Variants in ADPRHL1 observed in about 807,000 individuals in gnomAD.
ADPRHL1 encodes the protein ADP-ribosylhydrolase like 1.
Under a neutral mutation model 44.1 loss-of-function variants are expected in ADPRHL1, and 43 were observed. That is an observed-to-expected ratio of 0.98 (90% CI 0.76 to 1.26). The LOEUF (loss-of-function observed/expected upper bound fraction) is 1.26. ADPRHL1 is among the 50% of genes most tolerant of loss of function. The probability of loss-of-function intolerance (pLI) is 0.00; values close to 1 mark genes in which losing one functional copy is unlikely to be tolerated. For synonymous variants in ADPRHL1, 878 were observed against 1,017.4 expected (o/e 0.86, Z 2.61); for missense variants, 2,022 against 2,496.9 (o/e 0.81, Z 4.05).
intron 7 of ADPRHL1, among the ~76,000 whole-genome samples, chr13:113,410,976 C>T (rs1277686472): frequency 6.6e-6 from 1 of 152,224 alleles, no homozygotes; most frequent in African/African-American, 2.4e-5. Context: ...ACGTTTTGTC[C>T]CCGCTCTGGG....
At chr13:113,430,607 T>C (rs2139629073) in intron 3 of ADPRHL1, among the ~76,000 whole-genome samples, 1 of 152,042 alleles carries the variant, frequency 6.6e-6, no homozygotes, top group East Asian at 1.9e-4. Flanking sequence ...CGGTATCATG[T>C]GGAGGAACTG....
rs947576453 is a variant in ADPRHL1, at chr13:113,407,955, G to C, written c.1327C>G (p.Arg443Gly). 1 of 1,231,852 alleles carries C rather than the reference G, an allele frequency of 8.1e-7. No homozygotes were observed. The highest frequency in any genetic ancestry group is 1.6e-5 in the African/African-American group (1 of 64,432). 76.3% of individuals were successfully genotyped at this position (1,231,852 alleles called of 1,614,324 possible). Residue 443 changes from arginine to glycine, a missense_variant, in exon 8 of 8, where the codon CGC (arginine) becomes GGC (glycine). Around this residue, in one of 8 missense-constraint regions of ADPRHL1, gnomAD observed 1,221 missense variants for 1,517.8 expected, o/e 0.80. Coordinates refer to ENST00000612156, the MANE Select transcript of ADPRHL1 (RefSeq NM_001394807.1). ...ACCTCCCTGGTCCTCTTGAGGTAGC[G>C]CTCCCGGCCAGTGCCCAGGAACTTG... Reference protein sequence around the residue: ...QAKFLGTGRERYLKRTREVGR... With the variant: ...QAKFLGTGREGYLKRTREVGR...
chr13:113,420,794 G>C (rs76382172), intron 7 of ADPRHL1, among the ~76,000 whole-genome samples: 11,493 of 151,784 alleles, frequency 0.076, 832 homozygotes, highest in African/African-American at 0.19. Flanking sequence ...CAAAACGAAC[G>C]GGGCATCTCT....
Position 113,405,895 on chromosome 13 carries a change from C to G in ADPRHL1, c.3387G>C (p.Ala1129=). The change falls in exon 8 of 8, where the codon GCG becomes GCC. Residue 1129 remains alanine (A), a synonymous_variant. Transcript: ENST00000612156. ...SVASRATPAP[A]PGSTQSPGDR... is the part of the protein sequence containing the mutation. Reference sequence around the variant, plus strand: ...CTCCAGGGCTCTGGGTGCTGCCTGGCGCTGGTGCAGGCGTGGCGCGGCTCG... The same window carrying G: ...CTCCAGGGCTCTGGGTGCTGCCTGGGGCTGGTGCAGGCGTGGCGCGGCTCG... 8.1e-7 allele frequency: 1 copy of G among 1,232,032 alleles called. No individual in the cohort carries two copies. The highest frequency in any genetic ancestry group is 1.0e-6 in the Non-Finnish European group (1 of 988,048). The allele number at this position is 1,232,032 out of a possible 1,614,324, so 76.3% of individuals were successfully genotyped here.
chr13:113,444,541 A>G lies in ADPRHL1; in HGVS notation c.263T>C (p.Val88Ala), dbSNP rs1418513570. The G allele has an allele frequency of 5.6e-6, 9 of 1,614,066 alleles. No homozygotes were observed. Among genetic ancestry groups the G allele is most frequent in the Non-Finnish European group, 7.6e-6 (9 of 1,180,048 alleles). Reference protein sequence around the residue: ...DLYREMVRCYVEIVEKLPERR... With the variant: ...DLYREMVRCYAEIVEKLPERR... Reference sequence around the variant, plus strand: ...TTCTGGAAGCTTCTCAACGATTTCCACATAGCATCTCACCATCTCCCGGTA... The same window carrying G: ...TTCTGGAAGCTTCTCAACGATTTCCGCATAGCATCTCACCATCTCCCGGTA... Residue 88 changes from valine (V) to alanine (A), a missense_variant, in exon 2 of 8, where the codon GTG (valine) becomes GCG (alanine). By Grantham distance (64) the Val-to-Ala change is moderately conservative (BLOSUM62 0). Coordinates refer to ENST00000612156, the MANE Select transcript of ADPRHL1 (RefSeq NM_001394807.1).
intron 2 of ADPRHL1, among the ~76,000 whole-genome samples, chr13:113,440,776 T>A (rs995399817): frequency 8.5e-5 from 13 of 152,182 alleles, no homozygotes; most frequent in Admixed American, 3.3e-4. Context: ...TTTAGAAGCT[T>A]TAATCTATTT....
intron 2 of ADPRHL1, 25 bp downstream of exon 2, chr13:113,444,400 G>A (rs112656573): frequency 6.2e-7 from 1 of 1,609,828 alleles, no homozygotes; most frequent in Non-Finnish European, 8.5e-7. Flanking sequence ...GTGGCTTTAG[G>A]GGGAGAGGAG....
rs966018911 is a variant in ADPRHL1, at chr13:113,441,209, CTTT to C, written c.379+3213_379+3215del. On this transcript the variant is annotated intron_variant, in intron 2 of 7. Transcript: ENST00000612156. This position sits in a 1 kb window ranked among gnomAD's most constrained non-coding sequence, Gnocchi z 6.0. ...CATAGTTGGGGGCTGGGACCTGCTTCTTTATCTAATGTGACAACTTCTGACTGT... is the reference window on the plus strand; with the variant it reads ...CATAGTTGGGGGCTGGGACCTGCTTCATCTAATGTGACAACTTCTGACTGT... Among the ~76,000 whole-genome samples, 2 of 152,140 alleles carry C rather than the reference CTTT, an allele frequency of 1.3e-5. No homozygotes were observed.
rs1308842775 is a variant in ADPRHL1 at position 113,404,260 on chromosome 13, T to C, written c.5022A>G (p.Glu1674=). The change falls in exon 8 of 8, where the codon GAA becomes GAG. Residue 1674 remains glutamate (E), a synonymous_variant. Transcript: ENST00000612156. ...CTTTCTGGGCCTGTTCCCGAGCCCG[T>C]TCCTGAGCCCCCTTCTGGGCCTGAC... is the stretch of plus-strand genomic sequence containing the variant. ...AQGQAQKGAQ[E]RAREQAQKGA... The C allele has an allele frequency of 2.3e-6, 3 of 1,315,124 alleles. No homozygotes were observed. The highest frequency in any genetic ancestry group is 2.9e-6 in the Non-Finnish European group (3 of 1,040,658). 81.5% of individuals were successfully genotyped at this position (1,315,124 alleles called of 1,614,324 possible).
In ADPRHL1 at chr13:113,445,911, C is replaced by T. The variant is rs113598810; in HGVS notation, c.215-1322G>A. Among the ~76,000 whole-genome samples, 386 of 145,082 alleles carry T rather than the reference C, an allele frequency of 2.7e-3. 1 individual carries two copies. Among genetic ancestry groups the T allele is most frequent in the Middle Eastern group, 0.011 (3 of 274 alleles). ...GAGCACGCGCGTGTAGGGACCATGG[C>T]TGCAAACCCCTGGAGAGAGCACGCA... On this transcript the variant is annotated intron_variant, in intron 1 of 7. Coordinates refer to ENST00000612156, the MANE Select transcript of ADPRHL1 (RefSeq NM_001394807.1).
Position 113,444,067 on chromosome 13 carries a change from T to C in ADPRHL1, c.379+358A>G, listed in dbSNP as rs188816123. 3.4e-3 allele frequency among the ~76,000 whole-genome samples: 525 copies of C among 152,228 alleles called. 4 individuals carry two copies. The highest frequency in any genetic ancestry group is 0.012 in the African/African-American group (500 of 41,544). ...GCTGACAAAGGAGGGGCCCCGCCTG[T>C]GTTCCTTGAACAGACGCTCGTGCTG... On this transcript the variant is annotated intron_variant, in intron 2 of 7. Transcript: ENST00000612156.
rs572251249 is a variant in ADPRHL1, at chr13:113,412,117, C to T, written c.1062-3897G>A. On this transcript the variant is annotated intron_variant, in intron 7 of 7. Transcript: ENST00000612156. ...TTCACTGGTTGGGGGATTCTGGGAG[C>T]CCCCAGCTCAGCGTGTGCTGCTGCT... 1.9e-3 allele frequency among the ~76,000 whole-genome samples: 290 copies of T among 152,308 alleles called. 2 individuals carry two copies. The highest frequency in any genetic ancestry group is 3.1e-3 in the Admixed American group (47 of 15,300).
intron 3 of ADPRHL1, among the ~76,000 whole-genome samples, chr13:113,432,846 G>T (rs371623419): frequency 6.6e-6 from 1 of 152,214 alleles, no homozygotes; most frequent in Non-Finnish European, 1.5e-5. Context: ...GCGGTGCCAG[G>T]ACTAAGGGCC....
chr13:113,409,427 C>T lies in ADPRHL1; in HGVS notation c.1062-1207G>A, dbSNP rs1323676682. 13 of 985,246 alleles carry T rather than the reference C, an allele frequency of 1.3e-5. No individual in the cohort carries two copies. Among genetic ancestry groups the T allele is most frequent in the Non-Finnish European group, 1.6e-5 (13 of 829,932 alleles). 61.0% of individuals were successfully genotyped at this position (985,246 alleles called of 1,614,324 possible). A position where few individuals can be genotyped will look rare whatever the true frequency, so the allele number is the denominator to read the frequency against. On this transcript the variant is annotated intron_variant, in intron 7 of 7. Transcript: ENST00000612156. This position sits in a 1 kb window ranked among gnomAD's most constrained non-coding sequence, Gnocchi z 4.2. ...ACTCGAGTATTACAGGAAAAGTCGC[C>T]TTCATGGTGCCGTTTATAATGTTGA... is the stretch of plus-strand genomic sequence containing the variant.
chr13:113,404,473 C>T lies in ADPRHL1; in HGVS notation c.4809G>A (p.Glu1603=). 7.7e-7 allele frequency: 1 copy of T among 1,306,132 alleles called. No individual in the cohort carries two copies. Among genetic ancestry groups the T allele is most frequent in the South Asian group, 2.5e-5 (1 of 39,578 alleles). 80.9% of individuals were successfully genotyped at this position (1,306,132 alleles called of 1,614,324 possible). A position where few individuals can be genotyped will look rare whatever the true frequency, so the allele number is the denominator to read the frequency against. ...CCTCTTCCTGGGCCCATTTCTGAAC[C>T]TCTCCTTGAACCTGTTTCTGGGCCT... is the stretch of plus-strand genomic sequence containing the variant. ...QGQAQKQVQG[E]VQKWAQEEAQ... Residue 1603 remains glutamate (E), a synonymous_variant, in exon 8 of 8, where the codon GAG becomes GAA. Transcript: ENST00000612156.
intron 7 of ADPRHL1, among the ~76,000 whole-genome samples, chr13:113,415,791 G>A (rs1448960223): frequency 1.4e-5 from 2 of 145,344 alleles, no homozygotes; most frequent in Non-Finnish European, 3.0e-5. Context: ...AGAGAAGCAA[G>A]CTCGCCTCCT....
chr13:113,409,339 A>G lies in ADPRHL1; in HGVS notation c.1062-1119T>C. On this transcript the variant is annotated intron_variant, in intron 7 of 7. Transcript: ENST00000612156. The surrounding 1 kb of genome is among the most constrained non-coding windows in gnomAD (Gnocchi z 4.2). ...ATAATTTTGGGTAGACGCACCCAGAATCTTAGCTGTCACACCTGTTAGTCA... is the reference window on the plus strand; with the variant it reads ...ATAATTTTGGGTAGACGCACCCAGAGTCTTAGCTGTCACACCTGTTAGTCA... 1.0e-6 allele frequency: 1 copy of G among 985,402 alleles called. No individual in the cohort carries two copies. Among genetic ancestry groups the G allele is most frequent in the Non-Finnish European group, 1.2e-6 (1 of 829,916 alleles). The allele number at this position is 985,402 out of a possible 1,614,324, so 61.0% of individuals were successfully genotyped here.
intron 2 of ADPRHL1, among the ~76,000 whole-genome samples, chr13:113,438,645 G>A (rs1186225549): frequency 6.6e-6 from 1 of 152,164 alleles, no homozygotes; most frequent in African/African-American, 2.4e-5. Context: ...AGTGAGCCGA[G>A]ATTGTGCCAC....
At chr13:113,443,585 C>G (rs565689050) in intron 2 of ADPRHL1, among the ~76,000 whole-genome samples, 5 of 151,964 alleles carry the variant, frequency 3.3e-5, no homozygotes, top group Admixed American at 1.3e-4. Flanking sequence ...CACCACTGCA[C>G]TCCAGCCTGG....
Sources: gnomAD v4.1 joint callset for allele counts (sites outside exome capture counted in the v4.1 genomes callset) on GRCh38, gnomAD v4.1.1 for gene constraint, gnomAD v4.1.1 regional missense constraint, Gnocchi (gnomAD v3.1) non-coding constraint, MANE v1.5 for transcripts, NCBI Gene and HGNC (gene_info 2026-07-23, HGNC 2026-07-21) for gene names.